ANP32A: variants seen among roughly 807,000 people sequenced by gnomAD.
ANP32A encodes acidic leucine-rich nuclear phosphoprotein 32 family member A.
ANP32A carries 1 observed loss-of-function variant against 33.9 expected under a neutral mutation model. The ratio of observed to expected loss-of-function variants is 0.03; its 90% CI spans 0.01 to 0.14. The LOEUF is 0.14. Among genes scored for constraint, ANP32A ranks in the 10% least tolerant of loss-of-function variants. The pLI is 1.00. For synonymous variants in ANP32A, 115 were observed against 120.5 expected, an observed-to-expected ratio of 0.95 and a Z score of 0.30; for missense variants, 155 against 306.0, an observed-to-expected ratio of 0.51 and a Z score of 3.68.
At position 68,805,202 on chromosome 15, in the gene ANP32A, T is replaced by C. The variant is rs544375269; in HGVS notation, c.54+15496A>G. On this transcript the variant is annotated intron_variant, in intron 1 of 6. Transcript: ENST00000465139. The stretch of plus-strand genomic sequence containing the variant: ...CCAGATGGAATCCAGAAAGTACAAA[T>C]GGGGGTCCTCCAGGAAACACTGCTA... 9.6e-4 allele frequency among the ~76,000 whole-genome samples: 146 copies of C among 152,254 alleles called. 1 individual carries two copies. Among genetic ancestry groups the C allele is most frequent in the Non-Finnish European group, 1.2e-4 (8 of 68,008 alleles).
chr15:68,809,640 G>A (rs1460343730), intron 1 of ANP32A, among the ~76,000 whole-genome samples: 1 of 152,190 alleles, frequency 6.6e-6, no homozygotes, highest in Admixed American at 6.5e-5. Flanking sequence ...CCTAAGAAGT[G>A]TGCATCACCC....
chr15:68,789,020 A>G (rs1037184248), intron 1 of ANP32A, among the ~76,000 whole-genome samples: 7 of 152,238 alleles, frequency 4.6e-5, no homozygotes, highest in Admixed American at 4.6e-4. Flanking sequence ...CAGGCATGAA[A>G]TGACCCTGGG....
intron 1 of ANP32A, among the ~76,000 whole-genome samples, chr15:68,797,653 T>C (rs1894080530): frequency 6.6e-6 from 1 of 152,176 alleles, no homozygotes; most frequent in African/African-American, 2.4e-5. Flanking sequence ...CTCCCTGATG[T>C]GCAGCAAAAA....
chr15:68,787,291 T>C (rs1893944735), intron 3 of ANP32A, 122 bp downstream of exon 3: 7 of 1,375,646 alleles, frequency 5.1e-6, no homozygotes, highest in South Asian at 1.2e-5. Flanking sequence ...TTCTATCTCA[T>C]AGCACATCAT....
At position 68,779,991 on chromosome 15, in the gene ANP32A, C is replaced by T; in HGVS notation, c.*90G>A. The T allele has an allele frequency of 9.0e-7, 1 of 1,109,480 alleles. No homozygotes were observed. 68.7% of individuals were successfully genotyped at this position (1,109,480 alleles called of 1,614,324 possible). Reference sequence around the variant, plus strand: ...GTTACAATCAGAAAAAAATAAGTTTCAGGGGGCAGGATTGGAGGGGGGGGG... The same window carrying T: ...GTTACAATCAGAAAAAAATAAGTTTTAGGGGGCAGGATTGGAGGGGGGGGG... On this transcript the variant is annotated 3_prime_UTR_variant, in exon 7 of 7. Coordinates refer to ENST00000465139, the MANE Select transcript of ANP32A (RefSeq NM_006305.4).
intron 1 of ANP32A, among the ~76,000 whole-genome samples, chr15:68,802,648 C>A (rs758252887): frequency 1.5e-4 from 23 of 152,228 alleles, no homozygotes; most frequent in South Asian, 6.2e-4. Flanking sequence ...CCTCAGAGTC[C>A]TATTATCTTA....
Position 68,813,868 on chromosome 15 carries a change from G to GTTTTTT in ANP32A, c.54+6824_54+6829dup, listed in dbSNP as rs34385351. Among the ~76,000 whole-genome samples, 77 of 118,298 alleles carry GTTTTTT rather than the reference G, an allele frequency of 6.5e-4. 1 individual carries two copies. The highest frequency in any genetic ancestry group is 1.3e-3 in the East Asian group (5 of 3,904). The allele number at this position is 118,298 out of a possible 152,430, so 77.6% of individuals were successfully genotyped here. Reference sequence around the variant, plus strand: ...GAGTATCCTACACAATTTCCAGGAAGTTTTTTTTTTTTTTTTTTTGAGACG... The same window carrying GTTTTTT: ...GAGTATCCTACACAATTTCCAGGAAGTTTTTTTTTTTTTTTTTTTTTTTTTGAGACG... On this transcript the variant is annotated intron_variant, in intron 1 of 6. Coordinates refer to ENST00000465139, the MANE Select transcript of ANP32A (RefSeq NM_006305.4).
intron 1 of ANP32A, among the ~76,000 whole-genome samples, chr15:68,799,019 A>T (rs1393762693): frequency 6.6e-6 from 1 of 152,250 alleles, no homozygotes; most frequent in Non-Finnish European, 1.5e-5. Flanking sequence ...CCACAAAACA[A>T]ATTAGCCAGG....
chr15:68,818,210 A>G (rs1327658349), intron 1 of ANP32A: 1 of 202,566 alleles, frequency 4.9e-6, no homozygotes, highest in Non-Finnish European at 1.0e-5. Context: ...GCCGGGGAGG[A>G]GGGGCGGGGC....
intron 1 of ANP32A, among the ~76,000 whole-genome samples, chr15:68,819,201 A>G (rs1041780638): frequency 3.3e-5 from 5 of 152,088 alleles, no homozygotes; most frequent in African/African-American, 1.2e-4. Context: ...TCCCAACTCC[A>G]TGGAGCTCGG....
rs192087149 is a variant in ANP32A at position 68,791,594 on chromosome 15, G to A, written c.55-3675C>T. ...GCAGGAGGGGGCAAGGATACAGAGA[G>A]GGGCCTGGGACCCTGCTCTTCCCCA... is the stretch of plus-strand genomic sequence containing the variant. On this transcript the variant is annotated intron_variant, in intron 1 of 6. Transcript: ENST00000465139. 1.8e-3 allele frequency: 277 copies of A among 152,924 alleles called. 1 individual carries two copies. The highest frequency in any genetic ancestry group is 2.1e-3 in the Non-Finnish European group (146 of 68,174). 9.5% of individuals were successfully genotyped at this position (152,924 alleles called of 1,614,324 possible). A position where few individuals can be genotyped will look rare whatever the true frequency, so the allele number is the denominator to read the frequency against.
In ANP32A at chr15:68,780,089, C is replaced by T. The variant is rs751546166; in HGVS notation, c.742G>A (p.Asp248Asn). Residue 248 changes from aspartate to asparagine, a missense_variant, in exon 7 of 7, where the codon GAT (aspartate) becomes AAT (asparagine). Asp to Asn is a conservative substitution (Grantham distance 23, BLOSUM62 1). Coordinates refer to ENST00000465139, the MANE Select transcript of ANP32A (RefSeq NM_006305.4). This position sits in a 1 kb window ranked among gnomAD's most constrained non-coding sequence, Gnocchi z 4.3. ...AAAATAGGTTATTCCACTTAGTCAT[C>T]ATCTTCTCCCTCATCTTCAGGTTCT... ...KREPEDEGED[D>N]D 6.2e-7 allele frequency: 1 copy of T among 1,613,596 alleles called. No individual in the cohort carries two copies. Among genetic ancestry groups the T allele is most frequent in the Non-Finnish European group, 8.5e-7 (1 of 1,179,656 alleles).
rs1893839424 is a variant in ANP32A at position 68,779,679 on chromosome 15, AG to A, written c.*401del. On this transcript the variant is annotated 3_prime_UTR_variant, in exon 7 of 7. Transcript: ENST00000465139. Reference sequence around the variant, plus strand: ...GGTGCTCAGCCCCTCCTGGGCATTGAGTAACCAAACTGAGACCAGCCACAGC... The same window carrying A: ...GGTGCTCAGCCCCTCCTGGGCATTGATAACCAAACTGAGACCAGCCACAGC... 5.7e-6 allele frequency: 1 copy of A among 175,326 alleles called. No individual in the cohort carries two copies. The highest frequency in any genetic ancestry group is 2.4e-5 in the African/African-American group (1 of 42,070). The allele number at this position is 175,326 out of a possible 1,614,324, so 10.9% of individuals were successfully genotyped here.
chr15:68,788,152 G>A lies in ANP32A; in HGVS notation c.55-233C>T, dbSNP rs137859512. Among the ~76,000 whole-genome samples the A allele has an allele frequency of 2.5e-3, 374 of 152,230 alleles. 1 individual carries two copies. The highest frequency in any genetic ancestry group is 8.6e-3 in the African/African-American group (359 of 41,514). On this transcript the variant is annotated intron_variant, in intron 1 of 6. Transcript: ENST00000465139. ...GGTGAGAGGAGGCCTGTGGTGAGCC[G>A]AGCTGCAGAACCAGGGGGCCACTCC...
chr15:68,784,235 C>T (rs922026888), intron 4 of ANP32A, 162 bp downstream of exon 4: 5 of 751,090 alleles, frequency 6.7e-6, no homozygotes, highest in Middle Eastern at 2.4e-4. Flanking sequence ...CCCTACTCCC[C>T]TCCATAGCTT....
At chr15:68,816,640 A>T (rs903522949) in intron 1 of ANP32A, among the ~76,000 whole-genome samples, 1 of 152,142 alleles carries the variant, frequency 6.6e-6, no homozygotes, top group African/African-American at 2.4e-5. Flanking sequence ...TTTTGTCATC[A>T]TTTACTGATT....
intron 1 of ANP32A, among the ~76,000 whole-genome samples, chr15:68,807,436 G>GC (rs1419312096): frequency 6.6e-6 from 1 of 151,370 alleles, no homozygotes; most frequent in Admixed American, 6.6e-5. Flanking sequence ...ACGGGGGGGG[G>GC]GGAGTCTCTC....
rs572626901 is a variant in ANP32A, at chr15:68,802,843, G to A, written c.55-14924C>T. ...AATTTTTTATATTTTTGGTAGAGAC[G>A]GGGTTTCACCATGTTGGTCAGGCTG... On this transcript the variant is annotated intron_variant, in intron 1 of 6. Coordinates refer to ENST00000465139, the MANE Select transcript of ANP32A (RefSeq NM_006305.4). 7.3e-5 allele frequency among the ~76,000 whole-genome samples: 11 copies of A among 151,188 alleles called. No individual in the cohort carries two copies. In the East Asian group the frequency reaches 1.4e-3, roughly 19 times the overall value.
At chr15:68,784,086 C>A (rs1893903172) in intron 4 of ANP32A, among the ~76,000 whole-genome samples, 1 of 152,146 alleles carries the variant, frequency 6.6e-6, no homozygotes, top group Non-Finnish European at 1.5e-5. Flanking sequence ...AGTGGGGATT[C>A]AGTTGGATGG....
Sources: gnomAD v4.1 joint callset for allele counts (sites outside exome capture counted in the v4.1 genomes callset) on GRCh38, gnomAD v4.1.1 for gene constraint, Gnocchi (gnomAD v3.1) non-coding constraint, MANE v1.5 for transcripts, NCBI Gene and HGNC (gene_info 2026-07-23, HGNC 2026-07-21) for gene names.